The following ADAMTS17 variants were observed in gnomAD, a reference collection of about 807,000 sequenced individuals.
The protein encoded by ADAMTS17 is ADAM metallopeptidase with thrombospondin type 1 motif 17.
ADAMTS17 carries 113 observed loss-of-function variants against 141.5 expected under a neutral mutation model. The observed-to-expected ratio is 0.80, with a 90% CI of 0.69 to 0.93. ADAMTS17 has a LOEUF of 0.93. ADAMTS17 is among the 40% of genes least tolerant of loss of function. The pLI is 0.00. For synonymous variants in ADAMTS17, 768 were observed against 630.6 expected, an observed-to-expected ratio of 1.22 and a Z score of -3.27; for missense variants, 1,659 against 1,517.9, an observed-to-expected ratio of 1.09 and a Z score of -1.54.
intron 6 of ADAMTS17, among the ~76,000 whole-genome samples, chr15:100,259,212 A>C (rs944494813): frequency 1.3e-5 from 2 of 152,244 alleles, no homozygotes; most frequent in African/African-American, 4.8e-5. Context: ...AAAGTCTTTC[A>C]GACCAAATAT....
chr15:99,975,691 A>C (rs985207367), intron 21 of ADAMTS17, among the ~76,000 whole-genome samples: 1 of 152,136 alleles, frequency 6.6e-6, no homozygotes, highest in African/African-American at 2.4e-5. Context: ...TCCTCATGGC[A>C]TCATGAAGGA....
chr15:100,248,002 G>A (rs1033891880), intron 7 of ADAMTS17, among the ~76,000 whole-genome samples: 9 of 152,074 alleles, frequency 5.9e-5, no homozygotes, highest in Non-Finnish European at 1.0e-4. Context: ...CAGTGCCAGG[G>A]GTGACGCAAG....
intron 3 of ADAMTS17, among the ~76,000 whole-genome samples, chr15:100,286,711 C>T (rs539330756): frequency 1.2e-4 from 18 of 152,106 alleles, no homozygotes; most frequent in Admixed American, 2.6e-4. Context: ...CCCATGCAGA[C>T]GGGAAAAATA....
At chr15:100,112,063 G>A (rs557753501) in intron 13 of ADAMTS17, among the ~76,000 whole-genome samples, 1 of 152,368 alleles carries the variant, frequency 6.6e-6, no homozygotes, top group Non-Finnish European at 1.5e-5. Flanking sequence ...AGTAGAAGTG[G>A]AAGTGGGACT....
chr15:100,338,969 T>C, intron 2 of ADAMTS17: 1 of 985,556 alleles, frequency 1.0e-6, no homozygotes, highest in Non-Finnish European at 1.2e-6. Context: ...GTCACCCCAC[T>C]GTCTCTTCCC....
chr15:100,117,757 G>A (rs1366079403), intron 12 of ADAMTS17, among the ~76,000 whole-genome samples: 1 of 152,148 alleles, frequency 6.6e-6, no homozygotes, highest in Non-Finnish European at 1.5e-5. Context: ...GACAACCTGG[G>A]CAACCTCAGT....
intron 7 of ADAMTS17, among the ~76,000 whole-genome samples, chr15:100,208,000 C>T (rs2041644851): frequency 6.6e-6 from 1 of 152,190 alleles, no homozygotes; most frequent in Admixed American, 6.5e-5. Context: ...ACTGCTAGCT[C>T]TGAAGAATCG....
chr15:100,054,240 G>A (rs536645044), intron 15 of ADAMTS17, among the ~76,000 whole-genome samples, 186 bp from the exon 16 acceptor site: 5 of 152,176 alleles, frequency 3.3e-5, no homozygotes, highest in Admixed American at 3.3e-4. Flanking sequence ...GGATCGCAGG[G>A]AGCACGGAGA....
In ADAMTS17 at chr15:100,310,132, G is replaced by A. The variant is rs375427284; in HGVS notation, c.616+20757C>T. Among the ~76,000 whole-genome samples, 6 of 152,258 alleles carry A rather than the reference G, an allele frequency of 3.9e-5. No individual in the cohort carries two copies. The South Asian group carries it at 6.2e-4, about 16-fold the overall frequency. On this transcript the variant is annotated intron_variant, in intron 3 of 21. Coordinates refer to ENST00000268070, the MANE Select transcript of ADAMTS17 (RefSeq NM_139057.4). ...AAGCAGGCCCGTGACAGAAATTCAC[G>A]GATGTGCCGCTGAACACTCTGCACC...
intron 12 of ADAMTS17, among the ~76,000 whole-genome samples, chr15:100,122,746 T>C (rs11631495): frequency 0.34 from 52,274 of 152,042 alleles, 9,524 homozygotes; most frequent in East Asian, 0.42. Flanking sequence ...AGAAAATATA[T>C]TTCCTACTCA....
chr15:100,339,860 G>A (rs1462508717), intron 2 of ADAMTS17, among the ~76,000 whole-genome samples: 2 of 152,156 alleles, frequency 1.3e-5, no homozygotes, highest in Admixed American at 6.5e-5. Context: ...AGAGATACCC[G>A]CAGGACTGGG....
intron 7 of ADAMTS17, among the ~76,000 whole-genome samples, chr15:100,237,126 G>T (rs534844721): frequency 6.6e-6 from 1 of 152,200 alleles, no homozygotes; most frequent in East Asian, 1.9e-4. Flanking sequence ...TGGGGTGTCG[G>T]GCCAGCCAGG....
chr15:100,216,762 A>G (rs1439988648), intron 7 of ADAMTS17, among the ~76,000 whole-genome samples: 1 of 152,228 alleles, frequency 6.6e-6, no homozygotes, highest in Non-Finnish European at 1.5e-5. Flanking sequence ...CCCACCTAAC[A>G]ATTCACCCCT....
Position 100,109,118 on chromosome 15 carries a change from T to C in ADAMTS17, c.1889-2A>G. 6.2e-7 allele frequency: 1 copy of C among 1,609,938 alleles called. No homozygotes were observed. Among genetic ancestry groups the C allele is most frequent in the Non-Finnish European group, 8.5e-7 (1 of 1,178,074 alleles). ...AGCAGTAGAGTTCACATGGCTTATC[T>C]GAGGAGGGAAAGGTTGGAGGACGTT... On this transcript the variant is annotated splice_acceptor_variant, in intron 13 of 21. Coordinates refer to ENST00000268070, the MANE Select transcript of ADAMTS17 (RefSeq NM_139057.4). LOFTEE classifies it high-confidence loss of function.
chr15:100,305,329 A>G (rs1596484556), intron 3 of ADAMTS17, among the ~76,000 whole-genome samples: 1 of 152,164 alleles, frequency 6.6e-6, no homozygotes, highest in Non-Finnish European at 1.5e-5. Flanking sequence ...TTGTTTACCT[A>G]TTTAGGATGC....
At chr15:100,193,234 C>T (rs879337393) in intron 8 of ADAMTS17, among the ~76,000 whole-genome samples, 3 of 152,234 alleles carry the variant, frequency 2.0e-5, no homozygotes, top group Admixed American at 2.0e-4. Context: ...TCACTTTACG[C>T]TTTGCGCCAT....
At chr15:100,236,822 A>T (rs1174448245) in intron 7 of ADAMTS17, among the ~76,000 whole-genome samples, 1 of 152,122 alleles carries the variant, frequency 6.6e-6, no homozygotes, top group Non-Finnish European at 1.5e-5. Flanking sequence ...TGGGCAACAG[A>T]GTGAGACTCC....
intron 8 of ADAMTS17, among the ~76,000 whole-genome samples, chr15:100,155,688 T>C (rs2039402046): frequency 6.6e-6 from 1 of 152,286 alleles, no homozygotes; most frequent in Admixed American, 6.5e-5. Context: ...GGTTTTGGTG[T>C]TTCTGTTCCT....
intron 7 of ADAMTS17, among the ~76,000 whole-genome samples, chr15:100,203,622 A>C (rs933644213): frequency 6.6e-6 from 1 of 152,074 alleles, no homozygotes; most frequent in Non-Finnish European, 1.5e-5. Context: ...GGAGAATGGC[A>C]TGAACCTGGG....
Sources: allele counts gnomAD v4.1 joint callset (sites outside exome capture counted in the v4.1 genomes callset), GRCh38; gene constraint gnomAD v4.1.1; transcripts MANE v1.5; gene names NCBI Gene and HGNC (gene_info 2026-07-23, HGNC 2026-07-21).